The following DTNA variants were observed in gnomAD, a reference collection of about 807,000 sequenced individuals.
The protein encoded by DTNA is dystrobrevin alpha, also known as dystrophin-related protein 3.
Under a neutral mutation model 100.7 loss-of-function variants are expected in DTNA, and 43 were observed. That is an observed-to-expected ratio of 0.43 (90% CI 0.33 to 0.55). The LOEUF is 0.55. Ranked by LOEUF, DTNA falls within the 20% of genes least tolerant of loss-of-function variation. The pLI is 0.04. For synonymous variants in DTNA, 349 were observed against 347.9 expected (o/e 1.00, Z -0.04); for missense variants, 798 against 953.9 (o/e 0.84, Z 2.15).
chr18:34,652,681 A>G (rs938326196), intron 1 of DTNA, among the ~76,000 whole-genome samples: 1 of 152,176 alleles, frequency 6.6e-6, no homozygotes, highest in East Asian at 1.9e-4. Context: ...GCTTCAACTG[A>G]CATAATCTCT....
chr18:34,730,844 C>T (rs1479615310), intron 1 of DTNA, among the ~76,000 whole-genome samples: 1 of 152,210 alleles, frequency 6.6e-6, no homozygotes, highest in African/African-American at 2.4e-5. Context: ...AGAGCTCACT[C>T]ATGTTGGTGT....
chr18:34,729,414 T>C (rs1424750498), intron 1 of DTNA, among the ~76,000 whole-genome samples: 1 of 152,178 alleles, frequency 6.6e-6, no homozygotes, highest in African/African-American at 2.4e-5. Flanking sequence ...TGTTTCTGTG[T>C]GTGAGAAATG....
rs573074253 is a variant in DTNA, at chr18:34,850,467, T to G, written c.1435-1364T>G. Reference sequence around the variant, plus strand: ...TTCTTGTTAGCTATATAAGTCATTCTTTGCTGAAAAGAGGTGTAAATTAAA... The same window carrying G: ...TTCTTGTTAGCTATATAAGTCATTCGTTGCTGAAAAGAGGTGTAAATTAAA... On this transcript the variant is annotated intron_variant, in intron 14 of 22. Transcript: ENST00000444659. 9.8e-5 allele frequency among the ~76,000 whole-genome samples: 15 copies of G among 152,348 alleles called. No individual in the cohort carries two copies. The South Asian group carries it at 2.7e-3, about 27-fold the overall frequency.
At chr18:34,711,510 G>A (rs2082900050) in intron 1 of DTNA, among the ~76,000 whole-genome samples, 1 of 152,092 alleles carries the variant, frequency 6.6e-6, no homozygotes, top group Non-Finnish European at 1.5e-5. Context: ...TGTTATTCTA[G>A]TGTATTCACT....
At chr18:34,644,714 C>CA (rs2059647837) in intron 1 of DTNA, among the ~76,000 whole-genome samples, 1 of 152,066 alleles carries the variant, frequency 6.6e-6, no homozygotes. Context: ...TAGTTCATTT[C>CA]AACCAGTCTT....
chr18:34,656,903 A>G (rs1452468060), intron 1 of DTNA, among the ~76,000 whole-genome samples: 2 of 152,004 alleles, frequency 1.3e-5, no homozygotes, highest in African/African-American at 2.4e-5. Context: ...TTGAGACAGC[A>G]TCTTGTTCTG....
At chr18:34,796,952 C>A (rs948244539) in intron 4 of DTNA, among the ~76,000 whole-genome samples, 1 of 152,190 alleles carries the variant, frequency 6.6e-6, no homozygotes, top group African/African-American at 2.4e-5. Context: ...AAAAAAACAT[C>A]CGGATCTCAA....
chr18:34,552,368 T>C (rs1043123461), intron 1 of DTNA, among the ~76,000 whole-genome samples: 8 of 152,062 alleles, frequency 5.3e-5, no homozygotes, highest in Admixed American at 6.6e-5. Context: ...TTGCTTATTT[T>C]TTTTTAACTA....
chr18:34,760,017 C>T lies in DTNA; in HGVS notation c.67+3974C>T, dbSNP rs529678399. ...TTGAATTATTTGAAGGCAGGCCATCCTTGAGAGTGTTGGCTGAAGTCGGCA... is the reference window on the plus strand; with the variant it reads ...TTGAATTATTTGAAGGCAGGCCATCTTTGAGAGTGTTGGCTGAAGTCGGCA... On this transcript the variant is annotated intron_variant, in intron 2 of 22. Transcript: ENST00000444659. 2.6e-5 allele frequency: 4 copies of T among 152,238 alleles called. No homozygotes were observed. In the East Asian group the frequency reaches 7.7e-4, roughly 29 times the overall value. The allele number at this position is 152,238 out of a possible 1,614,324, so 9.4% of individuals were successfully genotyped here.
intron 1 of DTNA, among the ~76,000 whole-genome samples, chr18:34,683,913 A>T (rs1465838453): frequency 6.6e-6 from 1 of 152,168 alleles, no homozygotes; most frequent in South Asian, 2.1e-4. Flanking sequence ...AAATCTAATG[A>T]ATTAGCAAGG....
At chr18:34,762,010 T>C (rs1317364282) in intron 2 of DTNA, among the ~76,000 whole-genome samples, 1 of 152,196 alleles carries the variant, frequency 6.6e-6, no homozygotes, top group Non-Finnish European at 1.5e-5. Flanking sequence ...CTTTGGAGTT[T>C]AGGGTATGAA....
intron 1 of DTNA, chr18:34,558,101 C>G (rs1047649975): frequency 1.3e-5 from 2 of 153,306 alleles, no homozygotes; most frequent in Non-Finnish European, 2.9e-5. Context: ...GTCCGAGAAG[C>G]GCAATATTCT....
chr18:34,772,416 C>T (rs961554405), intron 3 of DTNA, among the ~76,000 whole-genome samples: 2 of 152,000 alleles, frequency 1.3e-5, no homozygotes, highest in African/African-American at 2.4e-5. Context: ...ACCTTTTTAC[C>T]TAAATGTTTC....
At chr18:34,678,963 G>A (rs570131834) in intron 1 of DTNA, among the ~76,000 whole-genome samples, 2 of 151,952 alleles carry the variant, frequency 1.3e-5, no homozygotes, top group Admixed American at 6.6e-5. Context: ...ACTCTTACAG[G>A]GTATCTACTA....
At chr18:34,758,675 C>G (rs1049652392) in intron 2 of DTNA, among the ~76,000 whole-genome samples, 1 of 152,116 alleles carries the variant, frequency 6.6e-6, no homozygotes, top group East Asian at 1.9e-4. Flanking sequence ...AAAGACATTC[C>G]TGGGTTGTAA....
intron 3 of DTNA, among the ~76,000 whole-genome samples, chr18:34,790,155 C>A (rs555828320): frequency 6.6e-6 from 1 of 152,086 alleles, no homozygotes; most frequent in Non-Finnish European, 1.5e-5. Flanking sequence ...TTACCAAGTT[C>A]CTATGTGTAA....
At chr18:34,518,591 G>A (rs1162911335) in intron 1 of DTNA, among the ~76,000 whole-genome samples, 2 of 150,100 alleles carry the variant, frequency 1.3e-5, no homozygotes, top group Non-Finnish European at 3.0e-5. Flanking sequence ...GTTAATTTTT[G>A]TATAAGGTCT....
chr18:34,834,909 A>C (rs990502504), intron 11 of DTNA, among the ~76,000 whole-genome samples: 5 of 152,160 alleles, frequency 3.3e-5, no homozygotes, highest in African/African-American at 1.2e-4. Context: ...CAAGAGAAAA[A>C]ATTTCACTTT....
chr18:34,861,791 C>T (rs1039158799), intron 16 of DTNA, among the ~76,000 whole-genome samples: 4 of 152,064 alleles, frequency 2.6e-5, no homozygotes, highest in Admixed American at 2.0e-4. Context: ...GAGATTACTA[C>T]TGTAAGATAA....
Sources: gnomAD v4.1 joint callset for allele counts (sites outside exome capture counted in the v4.1 genomes callset) on GRCh38, gnomAD v4.1.1 for gene constraint, MANE v1.5 for transcripts, NCBI Gene and HGNC (gene_info 2026-07-23, HGNC 2026-07-21) for gene names.